Variants in MBNL1 observed in about 807,000 individuals in gnomAD.
MBNL1 encodes the protein muscleblind-like protein 1.
A neutral mutation model predicts 42.2 loss-of-function variants in MBNL1; 8 were observed. The observed-to-expected ratio is 0.19, with a 90% CI of 0.11 to 0.34. The LOEUF is 0.34. MBNL1 is among the 10% of genes least tolerant of loss of function. MBNL1 has a pLI of 1.00. For synonymous variants in MBNL1, 169 were observed against 173.9 expected, an observed-to-expected ratio of 0.97 and a Z score of 0.22; for missense variants, 309 against 495.3, an observed-to-expected ratio of 0.62 and a Z score of 3.57.
chr3:152,415,569 T>C (rs913780561), intron 3 of MBNL1, among the ~76,000 whole-genome samples: 2 of 152,222 alleles, frequency 1.3e-5, no homozygotes, highest in African/African-American at 4.8e-5. Flanking sequence ...AAAAGGTACC[T>C]TTCTTGTTCT....
At chr3:152,440,086 C>T (rs35118420) in intron 4 of MBNL1, among the ~76,000 whole-genome samples, 3,085 of 152,124 alleles carry the variant, frequency 0.02, 55 homozygotes, top group Non-Finnish European at 0.031. Flanking sequence ...ATTCTTAGTT[C>T]TGTTACCTAT....
At chr3:152,280,408 G>C (rs1010647542) in intron 1 of MBNL1, among the ~76,000 whole-genome samples, 1 of 152,218 alleles carries the variant, frequency 6.6e-6, no homozygotes, top group Middle Eastern at 3.4e-3. Context: ...ACACCATTTA[G>C]TTTTTCTGTT....
chr3:152,277,846 T>C (rs2046203561), intron 1 of MBNL1, among the ~76,000 whole-genome samples: 1 of 152,092 alleles, frequency 6.6e-6, no homozygotes, highest in South Asian at 2.1e-4. Context: ...TTACAACTTA[T>C]TAGTTATTTA....
chr3:152,248,618 T>A (rs576807337), intron 2 of MBNL1, among the ~76,000 whole-genome samples: 22 of 152,072 alleles, frequency 1.4e-4, no homozygotes, highest in South Asian at 8.3e-4. Flanking sequence ...TAAAATTTTT[T>A]AAAAAATTAT....
At chr3:152,357,534 G>T (rs888115316) in intron 2 of MBNL1, among the ~76,000 whole-genome samples, 1 of 152,194 alleles carries the variant, frequency 6.6e-6, no homozygotes, top group African/African-American at 2.4e-5. Flanking sequence ...ACGGGTGGGT[G>T]TGGGCAGGAA....
chr3:152,282,640 G>T (rs1251234111), intron 1 of MBNL1, among the ~76,000 whole-genome samples: 1 of 151,482 alleles, frequency 6.6e-6, no homozygotes. Flanking sequence ...ATTAGGTTTT[G>T]TTGCCACAAG....
rs2060110362 is a variant in MBNL1, at chr3:152,300,119, T to C, written c.-75T>C. The C allele has an allele frequency of 1.1e-6, 1 of 918,722 alleles. No homozygotes were observed. 56.9% of individuals were successfully genotyped at this position (918,722 alleles called of 1,614,324 possible). A position where few individuals can be genotyped will look rare whatever the true frequency, so the allele number is the denominator to read the frequency against. The stretch of plus-strand genomic sequence containing the variant: ...CATCATCAGTTCAGCTTTTTTTTTT[T>C]GGTTGTTGCTCTTTTTTGGGGGGGT... On this transcript the variant is annotated 5_prime_UTR_variant, in exon 2 of 10. Coordinates refer to ENST00000324210, the MANE Select transcript of MBNL1 (RefSeq NM_021038.5).
intron 2 of MBNL1, among the ~76,000 whole-genome samples, chr3:152,412,067 C>A (rs1390241030): frequency 6.6e-6 from 1 of 152,154 alleles, no homozygotes; most frequent in Admixed American, 6.5e-5. Context: ...TGGCAACATA[C>A]CAACATAGTA....
At chr3:152,346,025 T>C (rs1405017875) in intron 2 of MBNL1, among the ~76,000 whole-genome samples, 1 of 152,138 alleles carries the variant, frequency 6.6e-6, no homozygotes, top group East Asian at 1.9e-4. Context: ...CTTCCTATTT[T>C]ATGAGGTAGG....
intron 2 of MBNL1, among the ~76,000 whole-genome samples, chr3:152,320,827 C>G (rs2076057230): frequency 6.6e-6 from 1 of 151,622 alleles, no homozygotes; most frequent in Admixed American, 6.6e-5. Flanking sequence ...AAACTAATAG[C>G]ACTAACAAGG....
At chr3:152,351,921 A>G (rs1260154788) in intron 2 of MBNL1, among the ~76,000 whole-genome samples, 2 of 152,244 alleles carry the variant, frequency 1.3e-5, no homozygotes, top group Admixed American at 6.5e-5. Flanking sequence ...GTAAATGTCC[A>G]GCATTGCTCT....
intron 2 of MBNL1, among the ~76,000 whole-genome samples, chr3:152,317,483 C>A (rs1035653589): frequency 6.6e-6 from 1 of 151,978 alleles, no homozygotes; most frequent in Non-Finnish European, 1.5e-5. Context: ...CCATGCCGGG[C>A]TAATTTTTGT....
intron 2 of MBNL1, among the ~76,000 whole-genome samples, chr3:152,359,735 T>C (rs2095802706): frequency 6.6e-6 from 1 of 152,204 alleles, no homozygotes; most frequent in African/African-American, 2.4e-5. Context: ...ATGTGATTGC[T>C]ACATGTGAGC....
intron 3 of MBNL1, among the ~76,000 whole-genome samples, chr3:152,422,385 C>A (rs556151608): frequency 1.3e-5 from 2 of 151,912 alleles, no homozygotes; most frequent in African/African-American, 4.8e-5. Flanking sequence ...GGGATCAATG[C>A]AACAAGAAGA....
At chr3:152,364,412 T>G (rs1262312529) in intron 2 of MBNL1, among the ~76,000 whole-genome samples, 1 of 152,050 alleles carries the variant, frequency 6.6e-6, no homozygotes, top group African/African-American at 2.4e-5. Flanking sequence ...CAAGCATATG[T>G]AAGGCATGGT....
At chr3:152,304,870 T>G (rs1233924992) in intron 2 of MBNL1, among the ~76,000 whole-genome samples, 1 of 152,230 alleles carries the variant, frequency 6.6e-6, no homozygotes, top group Non-Finnish European at 1.5e-5. Flanking sequence ...ATTAGAACTT[T>G]TTTAGAAAAC....
chr3:152,371,800 G>C (rs1460841356), intron 2 of MBNL1, among the ~76,000 whole-genome samples: 1 of 152,168 alleles, frequency 6.6e-6, no homozygotes, highest in Non-Finnish European at 1.5e-5. Context: ...TTCTCGAGAA[G>C]TATCTTTGTG....
At chr3:152,255,583 G>T (rs193238770) in intron 2 of MBNL1, among the ~76,000 whole-genome samples, 1 of 152,130 alleles carries the variant, frequency 6.6e-6, no homozygotes, top group Admixed American at 6.6e-5. Context: ...TTAGGTGCTG[G>T]GGAAATAGTT....
At chr3:152,393,340 C>A (rs535084805) in intron 2 of MBNL1, among the ~76,000 whole-genome samples, 1 of 152,326 alleles carries the variant, frequency 6.6e-6, no homozygotes, top group East Asian at 1.9e-4. Flanking sequence ...TAGAGAATTT[C>A]TTGATATCCA....
Sources: gnomAD v4.1 joint callset for allele counts (sites outside exome capture counted in the v4.1 genomes callset) on GRCh38, gnomAD v4.1.1 for gene constraint, MANE v1.5 for transcripts, NCBI Gene and HGNC (gene_info 2026-07-23, HGNC 2026-07-21) for gene names.